CSMD2: variants seen among roughly 807,000 people sequenced by gnomAD.
CSMD2 encodes the protein CUB and sushi domain-containing protein 2.
CSMD2 carries 130 observed loss-of-function variants against 398.5 expected under a neutral mutation model. The observed-to-expected ratio is 0.33, with a 90% CI of 0.28 to 0.38. The LOEUF is 0.38. CSMD2 is among the 10% of genes least tolerant of loss of function. The pLI is 1.00. For synonymous variants in CSMD2, 1,828 were observed against 1,908.5 expected, an observed-to-expected ratio of 0.96 and a Z score of 1.10; for missense variants, 3,829 against 4,764.9, an observed-to-expected ratio of 0.80 and a Z score of 5.78.
chr1:34,154,908 A>G (rs1236427601), intron 1 of CSMD2, among the ~76,000 whole-genome samples: 1 of 152,058 alleles, frequency 6.6e-6, no homozygotes, highest in Non-Finnish European at 1.5e-5. Context: ...TTGTATTTTT[A>G]GTAGAGACGG....
chr1:34,084,563 G>A (rs1558357652), intron 2 of CSMD2, among the ~76,000 whole-genome samples: 2 of 152,032 alleles, frequency 1.3e-5, no homozygotes, highest in Non-Finnish European at 2.9e-5. Flanking sequence ...TCAAAAAGTG[G>A]GCGAAGGACA....
chr1:33,804,949 C>T (rs1161786695), intron 10 of CSMD2: 1 of 713,670 alleles, frequency 1.4e-6, no homozygotes, highest in South Asian at 1.5e-5. Flanking sequence ...CTCAGCACTA[C>T]CTGAAGCCCA....
chr1:33,810,082 C>T (rs1435815294), intron 10 of CSMD2, among the ~76,000 whole-genome samples: 1 of 152,062 alleles, frequency 6.6e-6, no homozygotes, highest in African/African-American at 2.4e-5. Flanking sequence ...ATCAGTTCTT[C>T]TCCAATTAAT....
chr1:33,624,698 C>T lies in CSMD2; in HGVS notation c.5501-55G>A. ...TTTGTGGCCTCCCGTGGGAGCCTTC[C>T]CAAGCTGACTCCTCCCTCATGGCCC... On this transcript the variant is annotated intron_variant, in intron 34 of 70. Transcript: ENST00000373381. This position sits in a 1 kb window ranked among gnomAD's most constrained non-coding sequence, Gnocchi z 4.7. 6.3e-7 allele frequency: 1 copy of T among 1,580,336 alleles called. No homozygotes were observed. The highest frequency in any genetic ancestry group is 8.6e-7 in the Non-Finnish European group (1 of 1,158,532).
chr1:33,990,405 T>G (rs1284672665), intron 3 of CSMD2, among the ~76,000 whole-genome samples: 1 of 152,160 alleles, frequency 6.6e-6, no homozygotes, highest in Admixed American at 6.5e-5. Flanking sequence ...TAGAACCAAT[T>G]AAACAGTTAT....
In CSMD2 at chr1:33,725,198, C is replaced by T. The variant is rs1401941087; in HGVS notation, c.2695+151G>A. 26 of 639,894 alleles carry T rather than the reference C, an allele frequency of 4.1e-5. No individual in the cohort carries two copies. In the East Asian group the frequency reaches 4.4e-4, roughly 11 times the overall value. The allele number at this position is 639,894 out of a possible 1,614,324, so 39.6% of individuals were successfully genotyped here. A position where few individuals can be genotyped will look rare whatever the true frequency, so the allele number is the denominator to read the frequency against. Reference sequence around the variant, plus strand: ...GAGGGATGCTGAGAGCAACAGAGTGCCTTCCCCAGGGCCTTCTGAAGGGCA... The same window carrying T: ...GAGGGATGCTGAGAGCAACAGAGTGTCTTCCCCAGGGCCTTCTGAAGGGCA... On this transcript the variant is annotated intron_variant, in intron 17 of 70. Transcript: ENST00000373381.
At chr1:33,595,423 G>A (rs561609370) in intron 44 of CSMD2, among the ~76,000 whole-genome samples, 59 of 152,278 alleles carry the variant, frequency 3.9e-4, no homozygotes, top group South Asian at 3.3e-3. Flanking sequence ...TTGATGAGGT[G>A]GGCGTGTCTT....
In CSMD2 at chr1:33,819,843, A is replaced by G; in HGVS notation, c.1200-6T>C. 1 of 1,613,946 alleles carries G rather than the reference A, an allele frequency of 6.2e-7. No individual in the cohort carries two copies. The highest frequency in any genetic ancestry group is 2.2e-5 in the East Asian group (1 of 44,860). On this transcript the variant is annotated splice_polypyrimidine_tract_variant and splice_region_variant and intron_variant, in intron 8 of 70. Transcript: ENST00000373381. The stretch of plus-strand genomic sequence containing the variant: ...ACTGGACGCTGGATCCTAACCTGGG[A>G]GACAAAGTGTGTCTGTGAGCTCCAT...
At chr1:34,074,540 C>T (rs1656098958) in intron 2 of CSMD2, among the ~76,000 whole-genome samples, 1 of 152,234 alleles carries the variant, frequency 6.6e-6, no homozygotes, top group East Asian at 1.9e-4. Context: ...TCCTTCCACA[C>T]TCTATTAGGG....
Position 34,106,810 on chromosome 1 carries a change from G to A in CSMD2, c.188-17617C>T, listed in dbSNP as rs543563991. ...TCCCTGTACCATATTCAATTGCTTC[G>A]TGGGAATAATCCCATGCCACTCAGC... On this transcript the variant is annotated intron_variant, in intron 1 of 70. Coordinates refer to ENST00000373381, the MANE Select transcript of CSMD2 (RefSeq NM_001281956.2). Among the ~76,000 whole-genome samples the A allele has an allele frequency of 7.9e-4, 120 of 152,284 alleles. 1 individual carries two copies. The highest frequency in any genetic ancestry group is 2.6e-3 in the African/African-American group (108 of 41,552).
chr1:33,698,612 G>C (rs1645500525), intron 24 of CSMD2, 141 bp downstream of exon 24: 1 of 677,954 alleles, frequency 1.5e-6, no homozygotes, highest in South Asian at 2.4e-5. Flanking sequence ...GGTGAACCAT[G>C]ATGCCTGTTA....
intron 50 of CSMD2, 42 bp downstream of exon 50, chr1:33,572,464 C>G: frequency 1.3e-6 from 2 of 1,486,416 alleles, no homozygotes; most frequent in Non-Finnish European, 1.8e-6. Context: ...AGCTGCCTAC[C>G]TAGCCCTTCC....
intron 2 of CSMD2, among the ~76,000 whole-genome samples, chr1:34,059,717 C>T (rs369487917): frequency 1.7e-5 from 2 of 115,164 alleles, no homozygotes; most frequent in South Asian, 2.5e-4. Flanking sequence ...GGAATGAATA[C>T]GTGAATGAAT....
At chr1:33,523,081 T>C (rs1402710586) in intron 67 of CSMD2, among the ~76,000 whole-genome samples, 1 of 152,206 alleles carries the variant, frequency 6.6e-6, no homozygotes, top group Admixed American at 6.5e-5. Context: ...CCAACTCTCT[T>C]GAATGTGGTG....
At chr1:33,826,026 A>G (rs1232545860) in intron 6 of CSMD2, among the ~76,000 whole-genome samples, 1 of 152,204 alleles carries the variant, frequency 6.6e-6, no homozygotes, top group African/African-American at 2.4e-5. Context: ...GGGCTCTGAG[A>G]GGCTCTGGGA....
chr1:33,756,019 C>G (rs1203912206), intron 13 of CSMD2, among the ~76,000 whole-genome samples: 1 of 152,124 alleles, frequency 6.6e-6, no homozygotes, highest in East Asian at 1.9e-4. Flanking sequence ...CTAGCCCTCT[C>G]TCATTCCTAA....
At chr1:33,582,955 A>T (rs1638831159) in intron 47 of CSMD2, among the ~76,000 whole-genome samples, 2 of 152,212 alleles carry the variant, frequency 1.3e-5, no homozygotes, top group Admixed American at 1.3e-4. Flanking sequence ...TGAGGTAGAC[A>T]ACAGTATACA....
chr1:33,811,566 C>T (rs1321408802), intron 9 of CSMD2, among the ~76,000 whole-genome samples: 1 of 152,184 alleles, frequency 6.6e-6, no homozygotes, highest in African/African-American at 2.4e-5. Flanking sequence ...CAGCTTATCC[C>T]TGAAACTGGC....
At chr1:33,543,296 A>T (rs1656540730) in intron 57 of CSMD2, among the ~76,000 whole-genome samples, 1 of 152,202 alleles carries the variant, frequency 6.6e-6, no homozygotes, top group Non-Finnish European at 1.5e-5. Context: ...CGTCTCTAAG[A>T]CTTTGAACCC....
Sources: gnomAD v4.1 joint callset for allele counts (sites outside exome capture counted in the v4.1 genomes callset) on GRCh38, gnomAD v4.1.1 for gene constraint, Gnocchi (gnomAD v3.1) non-coding constraint, MANE v1.5 for transcripts, NCBI Gene and HGNC (gene_info 2026-07-23, HGNC 2026-07-21) for gene names.